Variants in EPHA6 observed in about 807,000 individuals in gnomAD.
EPHA6 encodes ephrin type-A receptor 6.
In EPHA6, 50 loss-of-function variants were observed where a neutral mutation model predicts 112.0. The observed-to-expected ratio is 0.45, with a 90% CI of 0.36 to 0.56. The LOEUF (loss-of-function observed/expected upper bound fraction) is 0.56, where lower values mean the gene tolerates loss of function less well. Among genes scored for constraint, EPHA6 ranks in the 20% least tolerant of loss-of-function variants. EPHA6 has a pLI of 0.00. For missense variants in EPHA6, 1,280 were observed against 1,417.4 expected (o/e 0.90, Z 1.56); for synonymous variants, 529 against 490.7 (o/e 1.08, Z -1.03).
intron 5 of EPHA6, among the ~76,000 whole-genome samples, chr3:97,377,328 C>T (rs1260224720): frequency 1.3e-5 from 2 of 152,138 alleles, no homozygotes; most frequent in African/African-American, 2.4e-5. Context: ...TGCCTTTCGC[C>T]TCCCACCATG....
intron 3 of EPHA6, among the ~76,000 whole-genome samples, chr3:97,127,921 T>C (rs1277261888): frequency 6.6e-6 from 1 of 151,998 alleles, no homozygotes; most frequent in Non-Finnish European, 1.5e-5. Context: ...TTTAGTTACA[T>C]AGATGTACAG....
chr3:97,672,307 G>A (rs2030928510), intron 14 of EPHA6, among the ~76,000 whole-genome samples: 1 of 152,122 alleles, frequency 6.6e-6, no homozygotes, highest in African/African-American at 2.4e-5. Context: ...CCTTCATCAT[G>A]ATAATCCCAT....
At chr3:96,945,158 G>T (rs2041187300) in intron 2 of EPHA6, among the ~76,000 whole-genome samples, 1 of 152,074 alleles carries the variant, frequency 6.6e-6, no homozygotes, top group South Asian at 2.1e-4. Flanking sequence ...GAATTTGATT[G>T]ACTTTTACCA....
chr3:97,482,932 C>A (rs1463497999), intron 9 of EPHA6, among the ~76,000 whole-genome samples: 1 of 152,012 alleles, frequency 6.6e-6, no homozygotes, highest in African/African-American at 2.4e-5. Context: ...AAGAAATGAC[C>A]TCCTGTCTAG....
intron 3 of EPHA6, among the ~76,000 whole-genome samples, chr3:97,099,449 G>A (rs2047340635): frequency 6.6e-6 from 1 of 151,768 alleles, no homozygotes; most frequent in African/African-American, 2.4e-5. Flanking sequence ...AGCATGTTCA[G>A]TTATTAAAGG....
rs974400718 is a variant in EPHA6 at position 96,955,996 on chromosome 3, T to A, written c.451-31334T>A. 3.9e-5 allele frequency among the ~76,000 whole-genome samples: 6 copies of A among 152,338 alleles called. No individual in the cohort carries two copies. The East Asian group carries it at 1.2e-3, about 29-fold the overall frequency. On this transcript the variant is annotated intron_variant, in intron 2 of 17. Coordinates refer to ENST00000389672, the MANE Select transcript of EPHA6 (RefSeq NM_001080448.3). Reference sequence around the variant, plus strand: ...GAACACATCCTTTTTTATACTTATGTGAATTTATATTCAGTACGAAATGGA... The same window carrying A: ...GAACACATCCTTTTTTATACTTATGAGAATTTATATTCAGTACGAAATGGA...
At chr3:96,852,207 G>A (rs1381288054) in intron 1 of EPHA6, among the ~76,000 whole-genome samples, 1 of 152,036 alleles carries the variant, frequency 6.6e-6, no homozygotes. Flanking sequence ...TCAAGAGGGT[G>A]TTTGGGCCAG....
intron 2 of EPHA6, among the ~76,000 whole-genome samples, chr3:96,902,431 GGGAA>G (rs2038667641): frequency 6.6e-6 from 1 of 152,134 alleles, no homozygotes; most frequent in Non-Finnish European, 1.5e-5. Flanking sequence ...AGGGGCAAAA[GGGAA>G]AGCAGTGACC....
At chr3:97,602,310 G>A (rs1178854338) in intron 12 of EPHA6, among the ~76,000 whole-genome samples, 1 of 151,948 alleles carries the variant, frequency 6.6e-6, no homozygotes, top group Non-Finnish European at 1.5e-5. Context: ...TTTCCTGTTT[G>A]TATAGAACGT....
At chr3:97,351,442 T>C (rs974635229) in intron 5 of EPHA6, among the ~76,000 whole-genome samples, 3 of 152,216 alleles carry the variant, frequency 2.0e-5, no homozygotes, top group African/African-American at 7.2e-5. Flanking sequence ...AGAAAATTAT[T>C]AGCAATCCCA....
At chr3:96,856,569 G>A (rs2035711630) in intron 1 of EPHA6, among the ~76,000 whole-genome samples, 1 of 152,096 alleles carries the variant, frequency 6.6e-6, no homozygotes, top group South Asian at 2.1e-4. Flanking sequence ...TGCAAATAGT[G>A]TCTTAAATAC....
intron 3 of EPHA6, among the ~76,000 whole-genome samples, chr3:97,049,832 C>T (rs897846480): frequency 3.3e-5 from 5 of 152,016 alleles, no homozygotes; most frequent in African/African-American, 1.2e-4. Flanking sequence ...ACTCACTCAC[C>T]CTTGAGGGGA....
Position 97,759,712 on chromosome 3 carries a change from T to C in EPHA6, c.*11011T>C, listed in dbSNP as rs988405183. ...GGAAGGATGTCACTACGTAAGTTTTTTTTTAATTTTACCAAGAATGAGATA... is the reference window on the plus strand; with the variant it reads ...GGAAGGATGTCACTACGTAAGTTTTCTTTTAATTTTACCAAGAATGAGATA... On this transcript the variant is annotated 3_prime_UTR_variant, in exon 18 of 18. Transcript: ENST00000389672. 2 of 228,950 alleles carry C rather than the reference T, an allele frequency of 8.7e-6. No homozygotes were observed. Among genetic ancestry groups the C allele is most frequent in the Non-Finnish European group, 1.7e-5 (2 of 115,384 alleles). 14.2% of individuals were successfully genotyped at this position (228,950 alleles called of 1,614,324 possible). A position where few individuals can be genotyped will look rare whatever the true frequency, so the allele number is the denominator to read the frequency against.
intron 11 of EPHA6, among the ~76,000 whole-genome samples, chr3:97,548,724 C>T (rs190315586): frequency 1.4e-4 from 22 of 152,258 alleles, no homozygotes; most frequent in South Asian, 1.0e-3. Context: ...TTCCTTTGTA[C>T]GCAAGCACCC....
At chr3:97,031,621 C>T (rs1191481074) in intron 3 of EPHA6, among the ~76,000 whole-genome samples, 13 of 152,068 alleles carry the variant, frequency 8.5e-5, no homozygotes, top group Non-Finnish European at 8.8e-5. Flanking sequence ...ACAACCCCAT[C>T]AAAAAGTGGG....
chr3:96,923,516 T>C (rs147912370), intron 2 of EPHA6, among the ~76,000 whole-genome samples: 31 of 152,284 alleles, frequency 2.0e-4, no homozygotes, highest in African/African-American at 7.2e-4. Context: ...TTAAATACCT[T>C]GTAGATGCTG....
intron 3 of EPHA6, among the ~76,000 whole-genome samples, chr3:97,027,962 G>C (rs528445032): frequency 6.6e-6 from 1 of 152,248 alleles, no homozygotes; most frequent in Admixed American, 6.5e-5. Flanking sequence ...GTGGAATTGC[G>C]TGTCTAGAAT....
Position 97,317,638 on chromosome 3 carries a change from T to A in EPHA6, c.1606+73351T>A, listed in dbSNP as rs570284195. On this transcript the variant is annotated intron_variant, in intron 5 of 17. Coordinates refer to ENST00000389672, the MANE Select transcript of EPHA6 (RefSeq NM_001080448.3). ...CATCATTATGCATGGAGTTTTTTTT[T>A]AATTTGTGACTTCGTGAAACTAAAT... is the stretch of plus-strand genomic sequence containing the variant. 4.1e-4 allele frequency among the ~76,000 whole-genome samples: 63 copies of A among 152,180 alleles called. 2 individuals are homozygous for A. The highest frequency in any genetic ancestry group is 1.3e-3 in the African/African-American group (55 of 41,496).
At chr3:97,704,203 G>C (rs559352913) in intron 14 of EPHA6, among the ~76,000 whole-genome samples, 2 of 152,260 alleles carry the variant, frequency 1.3e-5, no homozygotes, top group South Asian at 4.2e-4. Flanking sequence ...GGGATGCCTG[G>C]ACATCTGGTA....
Sources: allele counts gnomAD v4.1 joint callset (sites outside exome capture counted in the v4.1 genomes callset), GRCh38; gene constraint gnomAD v4.1.1; transcripts MANE v1.5; gene names NCBI Gene and HGNC (gene_info 2026-07-23, HGNC 2026-07-21).